The following TNS2 variants were observed in gnomAD, a reference collection of about 807,000 sequenced individuals.
The protein encoded by TNS2 is tensin 2.
In TNS2, 77 loss-of-function variants were observed where a neutral mutation model predicts 155.7. That is an observed-to-expected ratio of 0.49 (90% confidence interval 0.41 to 0.60). The LOEUF (loss-of-function observed/expected upper bound fraction) is 0.60. TNS2 is among the 20% of genes least tolerant of loss of function. TNS2 has a pLI of 0.00. For missense variants in TNS2, 1,703 were observed against 1,868.8 expected (o/e 0.91, Z 1.64); for synonymous variants, 726 against 763.9 (o/e 0.95, Z 0.82).
At position 53,063,772 on chromosome 12, in the gene TNS2, G is replaced by A; in HGVS notation, c.4120G>A (p.Gly1374Arg). ...CTTTGGTTTCGTGGCCAAGAAGCCG[G>A]GAAGCCCCTGGGAGAATGTGTGTCA... The part of the protein sequence containing the change: ...KIFGFVAKKP[G>R]SPWENVCHLF... The change falls in exon 29 of 29, where the codon GGA (glycine) becomes AGA (arginine). Residue 1374 changes from glycine to arginine, a missense_variant. Coordinates refer to ENST00000314250, the MANE Select transcript of TNS2 (RefSeq NM_170754.4). This position sits in a 1 kb window ranked among gnomAD's most constrained non-coding sequence, Gnocchi z 5.6. 6.2e-7 allele frequency: 1 copy of A among 1,614,140 alleles called. No individual in the cohort carries two copies. Among genetic ancestry groups the A allele is most frequent in the East Asian group, 2.2e-5 (1 of 44,874 alleles).
intron 2 of TNS2, chr12:53,052,199 C>A (rs746362991): frequency 1.6e-6 from 1 of 608,112 alleles, no homozygotes; most frequent in Non-Finnish European, 2.9e-6. Context: ...TGACTTGTGA[C>A]GGTAGTCTTC....
intron 21 of TNS2, 88 bp downstream of exon 21, chr12:53,061,557 G>T: frequency 6.9e-7 from 1 of 1,455,534 alleles, no homozygotes; most frequent in Non-Finnish European, 9.6e-7. Flanking sequence ...TGAAGCTCTT[G>T]GCTCCTCCTG....
At position 53,051,882 on chromosome 12, in the gene TNS2, C is replaced by A; in HGVS notation, c.103C>A (p.Arg35=). The change falls in exon 2 of 29, where the codon CGG becomes AGG. Residue 35 remains arginine, a synonymous_variant. Coordinates refer to ENST00000314250, the MANE Select transcript of TNS2 (RefSeq NM_170754.4). ...RPRKAEPHSF[R]EKVFRKKPPV... ...TAGGAAAGCTGAGCCTCATAGCTTCCGGGAGAAGGTTTTCCGGAAGAAACC... is the reference window on the plus strand; with the variant it reads ...TAGGAAAGCTGAGCCTCATAGCTTCAGGGAGAAGGTTTTCCGGAAGAAACC... The A allele has an allele frequency of 6.2e-7, 1 of 1,613,566 alleles. No homozygotes were observed. Among genetic ancestry groups the A allele is most frequent in the Non-Finnish European group, 8.5e-7 (1 of 1,179,752 alleles).
intron 7 of TNS2, among the ~76,000 whole-genome samples, chr12:53,054,728 G>A (rs1944078803): frequency 6.6e-6 from 1 of 151,976 alleles, no homozygotes; most frequent in Non-Finnish European, 1.5e-5. Flanking sequence ...AGGCTGGAGT[G>A]CAGTGGCACG....
rs200916908 is a variant in TNS2, at chr12:53,060,278, G to A, written c.2617+20G>A. 30 of 1,538,732 alleles carry A rather than the reference G, an allele frequency of 1.9e-5. No individual in the cohort carries two copies. The highest frequency in any genetic ancestry group is 1.9e-4 in the Admixed American group (10 of 53,668). ...CTGCAGGTGAGGGGCACCAGAGTGCGGAGTGCCCAGGGCAGAGGAGGTTCT... is the reference window on the plus strand; with the variant it reads ...CTGCAGGTGAGGGGCACCAGAGTGCAGAGTGCCCAGGGCAGAGGAGGTTCT... On this transcript the variant is annotated intron_variant, in intron 18 of 28. Coordinates refer to ENST00000314250, the MANE Select transcript of TNS2 (RefSeq NM_170754.4). This position sits in a 1 kb window ranked among gnomAD's most constrained non-coding sequence, Gnocchi z 6.1.
At position 53,053,358 on chromosome 12, in the gene TNS2, G is replaced by A. The variant is rs1012813346; in HGVS notation, c.223-53G>A. ...AGCTGAGGGGCTGCCCCATCCTCAA[G>A]CCCACGAGAGCCCTTCACCAGGAGC... On this transcript the variant is annotated intron_variant, in intron 3 of 28. Coordinates refer to ENST00000314250, the MANE Select transcript of TNS2 (RefSeq NM_170754.4). The A allele has an allele frequency of 6.2e-6, 10 of 1,611,116 alleles. No individual in the cohort carries two copies. In the East Asian group the frequency reaches 2.0e-4, roughly 32 times the overall value.
At position 53,059,451 on chromosome 12, in the gene TNS2, G is replaced by T; in HGVS notation, c.1810G>T (p.Val604Phe). Residue 604 changes from valine to phenylalanine, a missense_variant, in exon 18 of 29, where the codon GTT becomes TTT. Val to Phe is a conservative substitution (Grantham distance 50, BLOSUM62 -1). Coordinates refer to ENST00000314250, the MANE Select transcript of TNS2 (RefSeq NM_170754.4). The surrounding 1 kb of genome is among the most constrained non-coding windows in gnomAD (Gnocchi z 4.7). The part of the protein sequence containing the change: ...CRQGYREPCG[V>F]PNGGYYRPEG... ...CCAGGGCTACCGGGAGCCCTGCGGG[G>T]TTCCCAATGGGGGCTACTACCGGCC... 1.3e-6 allele frequency: 2 copies of T among 1,508,830 alleles called. No homozygotes were observed. The highest frequency in any genetic ancestry group is 1.8e-6 in the Non-Finnish European group (2 of 1,133,442). 93.5% of individuals were successfully genotyped at this position (1,508,830 alleles called of 1,614,324 possible).
At chr12:53,047,584 G>A (rs1943771787), upstream of TNS2, among the ~76,000 whole-genome samples, 1 of 151,198 alleles carries the variant, frequency 6.6e-6, no homozygotes, top group Non-Finnish European at 1.5e-5. Context: ...GGGGCGGGGC[G>A]CGGCCGCGGC....
chr12:53,058,939 A>C, intron 17 of TNS2, 108 bp from the exon 18 acceptor site: 1 of 1,556,698 alleles, frequency 6.4e-7, no homozygotes, highest in Non-Finnish European at 8.7e-7. Flanking sequence ...CTCCCGAGAG[A>C]CACCCCCGGC....
rs902200173 is a variant in TNS2 at position 53,058,384 on chromosome 12, C to T, written c.1164C>T (p.Thr388=). The T allele has an allele frequency of 6.2e-7, 1 of 1,614,208 alleles. No homozygotes were observed. Among genetic ancestry groups the T allele is most frequent in the East Asian group, 2.2e-5 (1 of 44,886 alleles). Residue 388 remains threonine (T), a synonymous_variant, in exon 15 of 29, where the codon ACC becomes ACT. Coordinates refer to ENST00000314250, the MANE Select transcript of TNS2 (RefSeq NM_170754.4). ...TCGTGTTCCGAGTCCAGTTCCACAC[C>T]TGCACCATCCACGGACCACAGCTCA... The part of the protein sequence containing the change: ...RTLVFRVQFH[T]CTIHGPQLTF...
Position 53,063,243 on chromosome 12 carries a change from G to A in TNS2, c.3978G>A (p.Thr1326=), listed in dbSNP as rs376153196. The change falls in exon 26 of 29, where the codon ACG becomes ACA. Residue 1326 remains threonine, a synonymous_variant. Transcript: ENST00000314250. This position sits in a 1 kb window ranked among gnomAD's most constrained non-coding sequence, Gnocchi z 5.6. The stretch of plus-strand genomic sequence containing the variant: ...TGTCAGCCCAGGGCATTACACTGAC[G>A]GACAACCAAAGGAAGTATGTATACT... ...FKVSAQGITL[T]DNQRKLFFRR... The A allele has an allele frequency of 2.4e-5, 38 of 1,612,888 alleles. No individual in the cohort carries two copies. The highest frequency in any genetic ancestry group is 1.2e-4 in the African/African-American group (9 of 74,994).
upstream of TNS2, among the ~76,000 whole-genome samples, chr12:53,047,709 G>A (rs1237304875): frequency 6.6e-6 from 1 of 152,134 alleles, no homozygotes; most frequent in East Asian, 1.9e-4. Context: ...TCGGGCCCCG[G>A]CCTGGCAGGG....
Position 53,061,946 on chromosome 12 carries a change from G to T in TNS2, c.3574+6G>T. 1 of 1,611,014 alleles carries T rather than the reference G, an allele frequency of 6.2e-7. No homozygotes were observed. The highest frequency in any genetic ancestry group is 1.1e-5 in the South Asian group (1 of 90,764). On this transcript the variant is annotated splice_donor_region_variant and intron_variant, in intron 22 of 28. Transcript: ENST00000314250. ...CAGTGCCCAGCCCTGGAAAGGTACA[G>T]AACACCCAAACCTGAGTGGGGTGGG...
At position 53,051,867 on chromosome 12, in the gene TNS2, G is replaced by A. The variant is rs1474230740; in HGVS notation, c.88G>A (p.Glu30Lys). ...SRAASRPRKA[E>K]PHSFREKVFR... The stretch of plus-strand genomic sequence containing the variant: ...CCTCCACCTTCAGCCTAGGAAAGCT[G>A]AGCCTCATAGCTTCCGGGAGAAGGT... The change falls in exon 2 of 29, where the codon GAG (glutamate) becomes AAG (lysine). Residue 30 changes from glutamate to lysine, a missense_variant. By Grantham distance (56) the Glu-to-Lys change is moderately conservative (BLOSUM62 1). Transcript: ENST00000314250. 5 of 1,613,076 alleles carry A rather than the reference G, an allele frequency of 3.1e-6. No homozygotes were observed. Among genetic ancestry groups the A allele is most frequent in the Non-Finnish European group, 4.2e-6 (5 of 1,179,446 alleles).
chr12:53,052,898 T>G (rs1943992728), intron 3 of TNS2, among the ~76,000 whole-genome samples: 1 of 151,670 alleles, frequency 6.6e-6, no homozygotes, highest in South Asian at 2.1e-4. Flanking sequence ...CCTGGGCGGG[T>G]CTTGTCCTGG....
chr12:53,060,882 A>AG lies in TNS2; in HGVS notation c.2981dup (p.His995ProfsTer70). 1 of 1,591,792 alleles carries AG rather than the reference A, an allele frequency of 6.3e-7. No individual in the cohort carries two copies. Among genetic ancestry groups the AG allele is most frequent in the South Asian group, 1.1e-5 (1 of 88,816 alleles). ...GTGACTGGCCTCAGGAAAGGAGTCC[A>AG]GGGGGCCACTCAGATGGCGCCAGTC... On this transcript the variant is annotated frameshift_variant, in exon 20 of 29. Transcript: ENST00000314250. LOFTEE classifies it high-confidence loss of function. This position sits in a 1 kb window ranked among gnomAD's most constrained non-coding sequence, Gnocchi z 6.1.
intron 10 of TNS2, among the ~76,000 whole-genome samples, chr12:53,056,620 C>A (rs544046596): frequency 6.6e-6 from 1 of 152,172 alleles, no homozygotes; most frequent in Admixed American, 6.5e-5. Flanking sequence ...GTGTCTCTTC[C>A]TCTCTTCTTA....
At chr12:53,055,960 G>A in intron 10 of TNS2, 115 bp downstream of exon 10, 2 of 1,061,130 alleles carry the variant, frequency 1.9e-6, no homozygotes, top group Non-Finnish European at 2.8e-6. Flanking sequence ...TTTGCTGTCA[G>A]CTTAGCACTT....
chr12:53,057,527 AG>A, intron 11 of TNS2, 39 bp from the exon 12 acceptor site: 1 of 1,475,594 alleles, frequency 6.8e-7, no homozygotes, highest in African/African-American at 1.4e-5. Context: ...TGACCTCCAG[AG>A]GAAAAGGCTT....
Sources: allele counts gnomAD v4.1 joint callset (sites outside exome capture counted in the v4.1 genomes callset), GRCh38; gene constraint gnomAD v4.1.1; non-coding constraint Gnocchi (gnomAD v3.1); transcripts MANE v1.5; gene names NCBI Gene and HGNC (gene_info 2026-07-23, HGNC 2026-07-21).